Variants in MCCD1 observed in about 807,000 individuals in gnomAD.
MCCD1 encodes the protein mitochondrial coiled-coil domain 1, also known as mitochondrial coiled-coil domain protein 1.
A neutral mutation model predicts 5.6 loss-of-function variants in MCCD1; 5 were observed. The observed-to-expected ratio is 0.89, with a 90% CI of 0.46 to 1.87. The LOEUF is 1.87. MCCD1 is among the 40% of genes most tolerant of loss of function. The pLI, the probability that MCCD1 is intolerant of heterozygous loss-of-function variation, is 0.01. For synonymous variants in MCCD1, 70 were observed against 57.3 expected (o/e 1.22, Z -1.00); for missense variants, 178 against 141.8 (o/e 1.26, Z -1.30).
chr6:31,529,770 T>C lies in MCCD1; in HGVS notation c.195T>C (p.Ala65=). 1 of 1,538,700 alleles carries C rather than the reference T, an allele frequency of 6.5e-7. No individual in the cohort carries two copies. Among genetic ancestry groups the C allele is most frequent in the Non-Finnish European group, 8.8e-7 (1 of 1,137,702 alleles). The change falls in exon 2 of 2, where the codon GCT becomes GCC. Residue 65 remains alanine, a synonymous_variant. Transcript: ENST00000376191. Reference sequence around the variant, plus strand: ...AGGGCCCTGGGACCCACCGCACAGCTGAGCTGGCCCGAGCTGAAGAGTTGT... The same window carrying C: ...AGGGCCCTGGGACCCACCGCACAGCCGAGCTGGCCCGAGCTGAAGAGTTGT... ...PPRGPGTHRT[A]ELARAEELLE...
intron 1 of MCCD1, 37 bp downstream of exon 1, chr6:31,529,222 AATTTACACTGGGGTGTGGG>A: frequency 6.3e-7 from 1 of 1,597,042 alleles, no homozygotes; most frequent in East Asian, 2.3e-5. Context: ...AGGGTGTGAG[AATTTACACTGGGGTGTGGG>A]AAAAAAAAAC....
chr6:31,530,037 GA>G lies in MCCD1; in HGVS notation c.*105del. The G allele has an allele frequency of 2.8e-6, 4 of 1,426,582 alleles. No individual in the cohort carries two copies. Among genetic ancestry groups the G allele is most frequent in the Non-Finnish European group, 3.7e-6 (4 of 1,087,136 alleles). The allele number at this position is 1,426,582 out of a possible 1,614,324, so 88.4% of individuals were successfully genotyped here. On this transcript the variant is annotated 3_prime_UTR_variant, in exon 2 of 2. Transcript: ENST00000376191. The surrounding 1 kb of genome is among the most constrained non-coding windows in gnomAD (Gnocchi z 4.5). ...CACCCCAGCGTCTTCCCAGGCCAGA[GA>G]AAGTGGAAGAGACCACAAAGCGCAG...
intron 1 of MCCD1, 81 bp from the exon 2 acceptor site, chr6:31,529,646 AAGGTGGAATTTCTCACTTCC>A: frequency 7.7e-7 from 1 of 1,303,446 alleles, no homozygotes; most frequent in Non-Finnish European, 1.0e-6. Context: ...ACGAATAGGG[AAGGTGGAATTTCTCACTTCC>A]AGCCACAGCC....
rs762943333 is a variant in MCCD1, at chr6:31,529,101, T to G, written c.87T>G (p.His29Gln). ...GGTCCTTGGCACCCCAGGGCTCCCA[T>G]GGGTGCTGCTCCCAAAACCCCAAAG... ...PSWSLAPQGSHGCCSQNPKAS... is the reference protein window; with the variant it reads ...PSWSLAPQGSQGCCSQNPKAS... Residue 29 changes from histidine to glutamine, a missense_variant, in exon 1 of 2, where the codon CAT becomes CAG. Physicochemically the swap from His to Gln is conservative, Grantham distance 24. Transcript: ENST00000376191. The G allele has an allele frequency of 8.7e-6, 14 of 1,612,672 alleles. No homozygotes were observed. The highest frequency in any genetic ancestry group is 1.2e-5 in the Non-Finnish European group (14 of 1,179,832).
rs1408991866 is a variant in MCCD1, at chr6:31,529,936, G to A, written c.*1G>A. 6.7e-7 allele frequency: 1 copy of A among 1,500,984 alleles called. No individual in the cohort carries two copies. The highest frequency in any genetic ancestry group is 1.4e-5 in the African/African-American group (1 of 71,390). 93.0% of individuals were successfully genotyped at this position (1,500,984 alleles called of 1,614,324 possible). A position where few individuals can be genotyped will look rare whatever the true frequency, so the allele number is the denominator to read the frequency against. On this transcript the variant is annotated 3_prime_UTR_variant, in exon 2 of 2. Transcript: ENST00000376191. ...AGAGAGCCTTGGAGGAGGCGCCTAA[G>A]TTTCCCCCAGTGCCCACAGCACCCT...
At position 31,529,799 on chromosome 6, in the gene MCCD1, A is replaced by G; in HGVS notation, c.224A>G (p.Glu75Gly). The G allele has an allele frequency of 6.3e-7, 1 of 1,581,478 alleles. No homozygotes were observed. Among genetic ancestry groups the G allele is most frequent in the Non-Finnish European group, 8.6e-7 (1 of 1,161,432 alleles). The change falls in exon 2 of 2, where the codon GAG becomes GGG. Residue 75 changes from glutamate to glycine, a missense_variant. By Grantham distance (98) the Glu-to-Gly change is moderately conservative. Coordinates refer to ENST00000376191, the MANE Select transcript of MCCD1 (RefSeq NM_001011700.3). ...CTGGCCCGAGCTGAAGAGTTGTTGG[A>G]GCAGCAGCTGGAGCTGTACCAGGCC... ...AELARAEELL[E>G]QQLELYQALL...
At chr6:31,529,256 A>G in intron 1 of MCCD1, 71 bp downstream of exon 1, 8 of 1,497,938 alleles carry the variant, frequency 5.3e-6, no homozygotes, top group Non-Finnish European at 4.6e-6. Flanking sequence ...AAAAACCCTC[A>G]ATCCCACCCT....
In MCCD1 at chr6:31,529,999, T is replaced by G. The variant is rs960723846; in HGVS notation, c.*64T>G. On this transcript the variant is annotated 3_prime_UTR_variant, in exon 2 of 2. Coordinates refer to ENST00000376191, the MANE Select transcript of MCCD1 (RefSeq NM_001011700.3). ...ATACACGCACCACCCACCAGGAGCC[T>G]TGGGATCATAAACACCCCAGCGTCT... is the stretch of plus-strand genomic sequence containing the variant. 18 of 1,431,046 alleles carry G rather than the reference T, an allele frequency of 1.3e-5. No individual in the cohort carries two copies. The highest frequency in any genetic ancestry group is 1.5e-5 in the Non-Finnish European group (16 of 1,087,226). 88.6% of individuals were successfully genotyped at this position (1,431,046 alleles called of 1,614,324 possible).
At position 31,530,181 on chromosome 6, in the gene MCCD1, A is replaced by C; in HGVS notation, c.*246A>C. ...GAATTCACCCTGGACCATGCCCTAA[A>C]ATAACCTCACCCCAAATACAATAAA... is the stretch of plus-strand genomic sequence containing the variant. On this transcript the variant is annotated 3_prime_UTR_variant, in exon 2 of 2. Transcript: ENST00000376191. This position sits in a 1 kb window ranked among gnomAD's most constrained non-coding sequence, Gnocchi z 4.5. 2 of 828,328 alleles carry C rather than the reference A, an allele frequency of 2.4e-6. No homozygotes were observed. The highest frequency in any genetic ancestry group is 3.6e-6 in the Non-Finnish European group (2 of 548,060). 51.3% of individuals were successfully genotyped at this position (828,328 alleles called of 1,614,324 possible).
rs766008184 is a variant in MCCD1, at chr6:31,529,232, G to A, written c.171+47G>A. ...AACAGAGGGTGTGAGAATTTACACT[G>A]GGGTGTGGGAAAAAAAAACCCTCAA... On this transcript the variant is annotated intron_variant, in intron 1 of 1. Coordinates refer to ENST00000376191, the MANE Select transcript of MCCD1 (RefSeq NM_001011700.3). 19 of 1,577,804 alleles carry A rather than the reference G, an allele frequency of 1.2e-5. No homozygotes were observed. In the South Asian group the frequency reaches 1.4e-4, roughly 11 times the overall value.
Position 31,530,000 on chromosome 6 carries a change from TG to T in MCCD1, c.*68del. 1 of 1,430,778 alleles carries T rather than the reference TG, an allele frequency of 7.0e-7. No individual in the cohort carries two copies. The allele number at this position is 1,430,778 out of a possible 1,614,324, so 88.6% of individuals were successfully genotyped here. On this transcript the variant is annotated 3_prime_UTR_variant, in exon 2 of 2. Transcript: ENST00000376191. Reference sequence around the variant, plus strand: ...TACACGCACCACCCACCAGGAGCCTTGGGATCATAAACACCCCAGCGTCTTC... The same window carrying T: ...TACACGCACCACCCACCAGGAGCCTTGGATCATAAACACCCCAGCGTCTTC...
At position 31,530,012 on chromosome 6, in the gene MCCD1, C is replaced by T; in HGVS notation, c.*77C>T. 7.0e-7 allele frequency: 1 copy of T among 1,429,784 alleles called. No homozygotes were observed. The highest frequency in any genetic ancestry group is 9.2e-7 in the Non-Finnish European group (1 of 1,087,242). 88.6% of individuals were successfully genotyped at this position (1,429,784 alleles called of 1,614,324 possible). ...CCACCAGGAGCCTTGGGATCATAAA[C>T]ACCCCAGCGTCTTCCCAGGCCAGAG... On this transcript the variant is annotated 3_prime_UTR_variant, in exon 2 of 2. Coordinates refer to ENST00000376191, the MANE Select transcript of MCCD1 (RefSeq NM_001011700.3). This position sits in a 1 kb window ranked among gnomAD's most constrained non-coding sequence, Gnocchi z 4.5.
At position 31,530,136 on chromosome 6, in the gene MCCD1, A is replaced by C. The variant is rs985521469; in HGVS notation, c.*201A>C. ...ATTCCCCTTTGATCTCACAGCAGGC[A>C]GGGCACCCAGGCCTTATAGGAATTC... On this transcript the variant is annotated 3_prime_UTR_variant, in exon 2 of 2. Coordinates refer to ENST00000376191, the MANE Select transcript of MCCD1 (RefSeq NM_001011700.3). The surrounding 1 kb of genome is among the most constrained non-coding windows in gnomAD (Gnocchi z 4.5). 192 of 1,091,292 alleles carry C rather than the reference A, an allele frequency of 1.8e-4. No individual in the cohort carries two copies. Among genetic ancestry groups the C allele is most frequent in the Non-Finnish European group, 2.3e-4 (185 of 792,192 alleles). 67.6% of individuals were successfully genotyped at this position (1,091,292 alleles called of 1,614,324 possible). A position where few individuals can be genotyped will look rare whatever the true frequency, so the allele number is the denominator to read the frequency against.
Position 31,529,857 on chromosome 6 carries a change from C to G in MCCD1, c.282C>G (p.Ala94=). The stretch of plus-strand genomic sequence containing the variant: ...AAGGGCAGGAGGGAGCCTGGGAGGC[C>G]CAAGCCCTGGTGCTCAAGATCCAGA... The part of the protein sequence containing the change: ...LLEGQEGAWE[A]QALVLKIQKL... Residue 94 remains alanine, a synonymous_variant, in exon 2 of 2, where the codon GCC becomes GCG. Transcript: ENST00000376191. 2 of 1,580,912 alleles carry G rather than the reference C, an allele frequency of 1.3e-6. No individual in the cohort carries two copies. The highest frequency in any genetic ancestry group is 8.6e-7 in the Non-Finnish European group (1 of 1,165,226).
Position 31,530,215 on chromosome 6 carries a change from G to A in MCCD1, c.*280G>A, listed in dbSNP as rs1766997198. The A allele has an allele frequency of 2.6e-6, 2 of 767,930 alleles. No individual in the cohort carries two copies. The highest frequency in any genetic ancestry group is 1.9e-5 in the South Asian group (1 of 51,330). The allele number at this position is 767,930 out of a possible 1,614,324, so 47.6% of individuals were successfully genotyped here. On this transcript the variant is annotated 3_prime_UTR_variant, in exon 2 of 2. Coordinates refer to ENST00000376191, the MANE Select transcript of MCCD1 (RefSeq NM_001011700.3). The surrounding 1 kb of genome is among the most constrained non-coding windows in gnomAD (Gnocchi z 4.5). ...ACCCCAAATACAATAAAGGGACGAA[G>A]CACTTATAGATACCACAGACACATG... is the stretch of plus-strand genomic sequence containing the variant.
Position 31,529,852 on chromosome 6 carries a change from G to A in MCCD1, c.277G>A (p.Glu93Lys), listed in dbSNP as rs1766942255. The change falls in exon 2 of 2, where the codon GAG (glutamate) becomes AAG (lysine). Residue 93 changes from glutamate to lysine, a missense_variant. Glu to Lys is a moderately conservative substitution (Grantham distance 56). Transcript: ENST00000376191. ...CCTTGAAGGGCAGGAGGGAGCCTGG[G>A]AGGCCCAAGCCCTGGTGCTCAAGAT... ...ALLEGQEGAWEAQALVLKIQK... is the reference protein window; with the variant it reads ...ALLEGQEGAWKAQALVLKIQK... The A allele has an allele frequency of 6.3e-7, 1 of 1,584,964 alleles. No individual in the cohort carries two copies. The highest frequency in any genetic ancestry group is 8.6e-7 in the Non-Finnish European group (1 of 1,167,470).
rs1030764116 is a variant in MCCD1 at position 31,528,980 on chromosome 6, G to C, written c.-35G>C. On this transcript the variant is annotated 5_prime_UTR_variant, in exon 1 of 2. Transcript: ENST00000376191. ...GCGAACCAGTTCCTGGTGGCCGTTG[G>C]ACAGCTCACACAGCTCCCTGCCAGG... 5.0e-6 allele frequency: 8 copies of C among 1,597,978 alleles called. No individual in the cohort carries two copies. The African/African-American group carries it at 5.4e-5, about 11-fold the overall frequency.
In MCCD1 at chr6:31,529,979, C is replaced by T. The variant is rs1425689961; in HGVS notation, c.*44C>T. 1.9e-5 allele frequency: 27 copies of T among 1,444,272 alleles called. No homozygotes were observed. The highest frequency in any genetic ancestry group is 4.3e-5 in the African/African-American group (3 of 69,366). 89.5% of individuals were successfully genotyped at this position (1,444,272 alleles called of 1,614,324 possible). A position where few individuals can be genotyped will look rare whatever the true frequency, so the allele number is the denominator to read the frequency against. ...AGCACCCTCCGGCGCTGAAAATACA[C>T]GCACCACCCACCAGGAGCCTTGGGA... On this transcript the variant is annotated 3_prime_UTR_variant, in exon 2 of 2. Transcript: ENST00000376191.
intron 1 of MCCD1, 35 bp from the exon 2 acceptor site, chr6:31,529,712 C>T: frequency 7.0e-7 from 1 of 1,427,290 alleles, no homozygotes; most frequent in Non-Finnish European, 9.2e-7. Flanking sequence ...GCCCCCTGCC[C>T]TGGCTGATGC....
Sources: gnomAD v4.1 joint callset for allele counts on GRCh38, gnomAD v4.1.1 for gene constraint, Gnocchi (gnomAD v3.1) non-coding constraint, MANE v1.5 for transcripts, NCBI Gene and HGNC (gene_info 2026-07-23, HGNC 2026-07-21) for gene names.